Variants in HAT1 observed in about 807,000 individuals in gnomAD.
HAT1 encodes histone acetyltransferase 1, also known as histone acetyltransferase type B catalytic subunit.
A neutral mutation model predicts 56.6 loss-of-function variants in HAT1; 20 were observed. The observed-to-expected ratio is 0.35, with a 90% CI of 0.25 to 0.51. The LOEUF is 0.51. Among genes scored for constraint, HAT1 ranks in the 20% least tolerant of loss-of-function variants. The pLI is 0.95. For synonymous variants in HAT1, 146 were observed against 165.5 expected (o/e 0.88, Z 0.91); for missense variants, 408 against 504.3 (o/e 0.81, Z 1.83).
At position 171,965,346 on chromosome 2, in the gene HAT1, T is replaced by A. The variant is rs763784563; in HGVS notation, c.318T>A (p.Asp106Glu). The change falls in exon 5 of 11, where the codon GAT (aspartate) becomes GAA (glutamate). Residue 106 changes from aspartate (D) to glutamate (E), a missense_variant. By Grantham distance (45) the Asp-to-Glu change is conservative. Transcript: ENST00000264108. Reference sequence around the variant, plus strand: ...TATCCTTTATTCTTTAGGCAGATGATGTTGAGGGCAAAATTAGACAAATCA... The same window carrying A: ...TATCCTTTATTCTTTAGGCAGATGAAGTTGAGGGCAAAATTAGACAAATCA... Reference protein sequence around the residue: ...DENFDCVEADDVEGKIRQIIP... With the variant: ...DENFDCVEADEVEGKIRQIIP... 1.9e-6 allele frequency: 3 copies of A among 1,591,558 alleles called. No individual in the cohort carries two copies. The African/African-American group carries it at 4.0e-5, about 21-fold the overall frequency.
chr2:171,942,845 A>G (rs1208274716), intron 2 of HAT1, among the ~76,000 whole-genome samples: 1 of 152,170 alleles, frequency 6.6e-6, no homozygotes, highest in Non-Finnish European at 1.5e-5. Flanking sequence ...GAAGAAGGCC[A>G]ATCTGAATTT....
rs774242144 is a variant in HAT1 at position 171,983,169 on chromosome 2, ATTGT to A, written c.1093-11_1093-8del. The A allele has an allele frequency of 6.8e-6, 10 of 1,480,042 alleles. No homozygotes were observed. The highest frequency in any genetic ancestry group is 5.5e-6 in the Non-Finnish European group (6 of 1,093,538). The allele number at this position is 1,480,042 out of a possible 1,614,324, so 91.7% of individuals were successfully genotyped here. ...ATTTACTTTCTTCGTCTAACAAATA[ATTGT>A]TTGTCACTTAGAAAAAGCAGAGAGA... On this transcript the variant is annotated splice_polypyrimidine_tract_variant and intron_variant, in intron 10 of 10. Coordinates refer to ENST00000264108, the MANE Select transcript of HAT1 (RefSeq NM_003642.4).
At chr2:171,947,752 G>A (rs1687205902) in intron 3 of HAT1, among the ~76,000 whole-genome samples, 2 of 152,106 alleles carry the variant, frequency 1.3e-5, no homozygotes, top group Admixed American at 1.3e-4. Context: ...AGTGGCACAC[G>A]CCTGTAGTCC....
intron 4 of HAT1, among the ~76,000 whole-genome samples, chr2:171,960,213 A>C (rs1214440383): frequency 1.3e-5 from 2 of 152,164 alleles, no homozygotes; most frequent in Non-Finnish European, 2.9e-5. Context: ...AAGAGACCGG[A>C]ACATTGCAGT....
At chr2:171,956,365 C>A (rs554620012) in intron 4 of HAT1, among the ~76,000 whole-genome samples, 1 of 151,738 alleles carries the variant, frequency 6.6e-6, no homozygotes, top group African/African-American at 2.4e-5. Context: ...GACACACACA[C>A]GCTGGGTGTG....
intron 8 of HAT1, among the ~76,000 whole-genome samples, chr2:171,973,099 T>G (rs931081999): frequency 6.6e-6 from 1 of 152,144 alleles, no homozygotes; most frequent in Non-Finnish European, 1.5e-5. Context: ...TCTTCTTTTT[T>G]GGGGTCACTT....
intron 8 of HAT1, among the ~76,000 whole-genome samples, chr2:171,975,135 C>CA (rs991373046): frequency 1.3e-5 from 2 of 148,852 alleles, no homozygotes; most frequent in African/African-American, 5.0e-5. Flanking sequence ...GATGGAGTCT[C>CA]ACTCTGTTGC....
intron 4 of HAT1, among the ~76,000 whole-genome samples, chr2:171,962,941 T>G (rs1056634693): frequency 1.3e-5 from 2 of 152,168 alleles, no homozygotes; most frequent in African/African-American, 4.8e-5. Context: ...GGTCTTGCTC[T>G]TGTGCTGATT....
intron 2 of HAT1, among the ~76,000 whole-genome samples, chr2:171,944,111 A>G (rs563785259): frequency 9.9e-4 from 150 of 151,400 alleles, no homozygotes; most frequent in South Asian, 6.9e-3. Flanking sequence ...GTGCCACTGT[A>G]TTCCAGCCTG....
At chr2:171,966,353 C>A in intron 6 of HAT1, 56 bp from the exon 7 acceptor site, 1 of 874,998 alleles carries the variant, frequency 1.1e-6, no homozygotes, top group Non-Finnish European at 2.0e-6. Context: ...AGAAAATGGA[C>A]ACTGCATGGG....
At chr2:171,930,438 A>G (rs898205586) in intron 2 of HAT1, among the ~76,000 whole-genome samples, 4 of 152,116 alleles carry the variant, frequency 2.6e-5, no homozygotes, top group Non-Finnish European at 4.4e-5. Context: ...CCAAAGTGCT[A>G]TTACAGATGT....
intron 2 of HAT1, among the ~76,000 whole-genome samples, chr2:171,926,200 C>G (rs1686588470): frequency 6.6e-6 from 1 of 152,152 alleles, no homozygotes; most frequent in African/African-American, 2.4e-5. Flanking sequence ...TCACTGCTGC[C>G]TCCAACCCCT....
Position 171,945,793 on chromosome 2 carries a change from C to T in HAT1, c.113-915C>T, listed in dbSNP as rs572996022. 9.1e-4 allele frequency among the ~76,000 whole-genome samples: 138 copies of T among 152,270 alleles called. 1 individual carries two copies. Among genetic ancestry groups the T allele is most frequent in the Non-Finnish European group, 1.7e-3 (117 of 68,024 alleles). ...AAGTAGTTCTCCTGCCTCAGCCTCCCAAGTAGCTGGGATTACAGGTTGTGT... is the reference window on the plus strand; with the variant it reads ...AAGTAGTTCTCCTGCCTCAGCCTCCTAAGTAGCTGGGATTACAGGTTGTGT... On this transcript the variant is annotated intron_variant, in intron 2 of 10. Coordinates refer to ENST00000264108, the MANE Select transcript of HAT1 (RefSeq NM_003642.4).
At chr2:171,932,077 G>A (rs1686763360) in intron 2 of HAT1, among the ~76,000 whole-genome samples, 1 of 152,152 alleles carries the variant, frequency 6.6e-6, no homozygotes, top group South Asian at 2.1e-4. Context: ...ATAATCATAA[G>A]ATTTTTCTCC....
chr2:171,983,228 CAGA>C lies in HAT1; in HGVS notation c.1141_1143del (p.Glu381del). ...GCTAAGATGAGAAAATGTCTCAGAC[CAGA>C]AGAACTGACAAACCAGATGAACCAA... On this transcript the variant is annotated inframe_deletion, in exon 11 of 11. Transcript: ENST00000264108. 1 of 1,602,458 alleles carries C rather than the reference CAGA, an allele frequency of 6.2e-7. No individual in the cohort carries two copies. The highest frequency in any genetic ancestry group is 8.5e-7 in the Non-Finnish European group (1 of 1,172,278).
intron 2 of HAT1, among the ~76,000 whole-genome samples, chr2:171,943,598 C>G (rs1035883491): frequency 3.3e-5 from 5 of 150,676 alleles, no homozygotes; most frequent in Admixed American, 2.0e-4. Flanking sequence ...TATTTAACAC[C>G]TAGATTCAAC....
chr2:171,956,956 G>C (rs988308766), intron 4 of HAT1, among the ~76,000 whole-genome samples: 1 of 152,142 alleles, frequency 6.6e-6, no homozygotes, highest in Non-Finnish European at 1.5e-5. Flanking sequence ...GTGCTGAAGG[G>C]ATTAGGCACG....
At position 171,976,129 on chromosome 2, in the gene HAT1, T is replaced by C. The variant is rs368034571; in HGVS notation, c.824-28T>C. ...AATTATATTGAGTATCAGGGAAATG[T>C]TAATATTATTCTGCTTTATTTATTT... On this transcript the variant is annotated intron_variant, in intron 8 of 10. Transcript: ENST00000264108. 1.4e-4 allele frequency: 177 copies of C among 1,272,744 alleles called. 1 individual carries two copies. Among genetic ancestry groups the C allele is most frequent in the South Asian group, 1.4e-3 (81 of 59,330 alleles). 78.8% of individuals were successfully genotyped at this position (1,272,744 alleles called of 1,614,324 possible).
intron 2 of HAT1, among the ~76,000 whole-genome samples, chr2:171,929,856 G>T (rs1429016554): frequency 6.6e-6 from 1 of 152,168 alleles, no homozygotes; most frequent in African/African-American, 2.4e-5. Flanking sequence ...ATTCCTGGTA[G>T]TGTGAGTCCC....
Sources: gnomAD v4.1 joint callset for allele counts (sites outside exome capture counted in the v4.1 genomes callset) on GRCh38, gnomAD v4.1.1 for gene constraint, MANE v1.5 for transcripts, NCBI Gene and HGNC (gene_info 2026-07-23, HGNC 2026-07-21) for gene names.